MAPK8IP3: variants seen among roughly 807,000 people sequenced by gnomAD.
MAPK8IP3 encodes the protein mitogen-activated protein kinase 8 interacting protein 3, also known as C-Jun-amino-terminal kinase-interacting protein 3.
In MAPK8IP3, 49 loss-of-function variants were observed where a neutral mutation model predicts 157.8. The ratio of observed to expected loss-of-function variants is 0.31; its 90% confidence interval spans 0.25 to 0.39. MAPK8IP3 has a LOEUF of 0.39. Ranked by LOEUF, MAPK8IP3 falls within the 10% of genes least tolerant of loss-of-function variation. The pLI, the probability that MAPK8IP3 is intolerant of heterozygous loss-of-function variation, is 1.00. For missense variants in MAPK8IP3, 1,478 were observed against 1,889.4 expected, an observed-to-expected ratio of 0.78 and a Z score of 4.04; for synonymous variants, 897 against 777.7, an observed-to-expected ratio of 1.15 and a Z score of -2.55.
intron 1 of MAPK8IP3, among the ~76,000 whole-genome samples, chr16:1,720,818 A>C (rs1260978210): frequency 1.3e-5 from 2 of 151,264 alleles, no homozygotes; most frequent in Non-Finnish European, 1.5e-5. Context: ...GCGGATCACG[A>C]GGTCAGGGGA....
chr16:1,737,952 G>A (rs1454100280), intron 4 of MAPK8IP3, among the ~76,000 whole-genome samples: 3 of 75,420 alleles, frequency 4.0e-5, no homozygotes, highest in Admixed American at 1.4e-4. Context: ...GTGACTGTCC[G>A]TGTGAGCGTC....
rs914659526 is a variant in MAPK8IP3, at chr16:1,743,932, A to T, written c.747+456A>T. The T allele has an allele frequency of 5.0e-6, 5 of 1,007,794 alleles. No homozygotes were observed. In the African/African-American group the frequency reaches 8.7e-5, roughly 18 times the overall value. 62.4% of individuals were successfully genotyped at this position (1,007,794 alleles called of 1,614,324 possible). On this transcript the variant is annotated intron_variant, in intron 5 of 31. Transcript: ENST00000610761. The surrounding 1 kb of genome is among the most constrained non-coding windows in gnomAD (Gnocchi z 5.6). ...TGTGGGGTTTGCCCTCCGTTGGCAG[A>T]AAGGTGAGGAGAAAGCTCCTCTTCT...
chr16:1,761,536 C>T (rs2041943931), intron 13 of MAPK8IP3, among the ~76,000 whole-genome samples: 1 of 147,974 alleles, frequency 6.8e-6, no homozygotes, highest in Admixed American at 6.7e-5. Context: ...CATTCACAGG[C>T]AGGGCGGCCG....
chr16:1,763,783 G>GGTGC lies in MAPK8IP3; in HGVS notation c.2025+2_2025+5dup. The GGTGC allele has an allele frequency of 6.5e-7, 1 of 1,550,368 alleles. No homozygotes were observed. The highest frequency in any genetic ancestry group is 1.2e-5 in the South Asian group (1 of 84,980). ...GGAGCCTGCCCGCCAAGTACAAGCA[G>GGTGC]GTGCGGGCGGGCGCTGCGGGGACCG... On this transcript the variant is annotated frameshift_variant and splice_region_variant. Coordinates refer to ENST00000610761, the MANE Select transcript of MAPK8IP3 (RefSeq NM_001318852.2). LOFTEE classifies it high-confidence loss of function.
chr16:1,732,393 G>A (rs925179470), intron 4 of MAPK8IP3, among the ~76,000 whole-genome samples: 2 of 152,258 alleles, frequency 1.3e-5, no homozygotes, highest in African/African-American at 2.4e-5. Context: ...GGGTCAGAAC[G>A]TCCAGCTCTG....
At chr16:1,747,767 C>T (rs1301028524) in intron 6 of MAPK8IP3, among the ~76,000 whole-genome samples, 1 of 152,048 alleles carries the variant, frequency 6.6e-6, no homozygotes, top group East Asian at 1.9e-4. Context: ...CAGTAACCTG[C>T]ATCGCCCCAC....
At chr16:1,708,743 C>T (rs1049415488) in intron 1 of MAPK8IP3, among the ~76,000 whole-genome samples, 11 of 152,052 alleles carry the variant, frequency 7.2e-5, no homozygotes, top group African/African-American at 2.4e-4. Flanking sequence ...AGCCGAGCCC[C>T]GAAGCCAGCC....
intron 17 of MAPK8IP3, 25 bp downstream of exon 17, chr16:1,763,808 G>T (rs1332875638): frequency 2.1e-6 from 3 of 1,462,708 alleles, no homozygotes; most frequent in Non-Finnish European, 2.7e-6. Context: ...TGCGGGGACC[G>T]GGCGGGGCCC....
At chr16:1,758,204 G>A in intron 9 of MAPK8IP3, 45 bp downstream of exon 9, 1 of 1,610,200 alleles carries the variant, frequency 6.2e-7, no homozygotes, top group Non-Finnish European at 8.5e-7. Flanking sequence ...GTGTGACGGG[G>A]GGAGTGGGTG....
At chr16:1,714,183 C>T (rs963324742) in intron 1 of MAPK8IP3, 3 of 152,308 alleles carry the variant, frequency 2.0e-5, no homozygotes, top group African/African-American at 7.2e-5. Flanking sequence ...TTTGTCCATC[C>T]GCCTGCCTGC....
chr16:1,712,524 C>T (rs1209654294), intron 1 of MAPK8IP3, among the ~76,000 whole-genome samples: 1 of 152,112 alleles, frequency 6.6e-6, no homozygotes, highest in African/African-American at 2.4e-5. Context: ...AGGGTGAATT[C>T]CAGGCAGGGG....
intron 4 of MAPK8IP3, among the ~76,000 whole-genome samples, chr16:1,732,523 G>T (rs1032661196): frequency 6.6e-6 from 1 of 152,250 alleles, no homozygotes; most frequent in African/African-American, 2.4e-5. Context: ...GGGGCGTGCC[G>T]TGGAGCCTGC....
chr16:1,743,423 G>A lies in MAPK8IP3; in HGVS notation c.694G>A (p.Asp232Asn), dbSNP rs1351428704. 1.2e-6 allele frequency: 2 copies of A among 1,609,872 alleles called. No individual in the cohort carries two copies. The highest frequency in any genetic ancestry group is 1.6e-4 in the Middle Eastern group (1 of 6,072). The change falls in exon 5 of 32, where the codon GAC (aspartate) becomes AAC (asparagine). Residue 232 changes from aspartate (D) to asparagine (N), a missense_variant. Around this residue, in one of 11 missense-constraint regions of MAPK8IP3, gnomAD observed 315 missense variants for 394.4 expected, o/e 0.80. Transcript: ENST00000610761. The surrounding 1 kb of genome is among the most constrained non-coding windows in gnomAD (Gnocchi z 5.6). The stretch of plus-strand genomic sequence containing the variant: ...CGGGGGCAAGCTCGTGCCTGCGGGG[G>A]ACCACTGGCACCTGAGTGACCTCGG... ...QIGGKLVPAG[D>N]HWHLSDLGQL... is the part of the protein sequence containing the mutation.
chr16:1,736,946 A>C (rs796723063), intron 4 of MAPK8IP3, among the ~76,000 whole-genome samples: 1 of 31,698 alleles, frequency 3.2e-5, no homozygotes, highest in Non-Finnish European at 5.5e-5. Flanking sequence ...GTGACCGTCC[A>C]TGTGAGCGTG....
In MAPK8IP3 at chr16:1,748,740, C is replaced by T. The variant is rs201458235; in HGVS notation, c.1216+20C>T. The T allele has an allele frequency of 1.6e-5, 25 of 1,584,314 alleles. No homozygotes were observed. In the African/African-American group the frequency reaches 2.3e-4, roughly 14 times the overall value. On this transcript the variant is annotated intron_variant, in intron 8 of 31. Coordinates refer to ENST00000610761, the MANE Select transcript of MAPK8IP3 (RefSeq NM_001318852.2). ...TCCTAGGTAAGCGCAAGCCTTCCCC[C>T]GCACCGCTGTGCCTGCACAATGCTG...
At chr16:1,723,015 G>GTT (rs1567145120) in intron 1 of MAPK8IP3, among the ~76,000 whole-genome samples, 2 of 150,836 alleles carry the variant, frequency 1.3e-5, no homozygotes, top group African/African-American at 4.9e-5. Context: ...TTTTTTGTTT[G>GTT]TTTGTTTTTG....
intron 1 of MAPK8IP3, chr16:1,707,555 C>A (rs1396693445): frequency 6.6e-6 from 1 of 152,284 alleles, no homozygotes; most frequent in African/African-American, 2.4e-5. Context: ...TGGGGAGCAC[C>A]ACTTAGCTTC....
At position 1,769,215 on chromosome 16, in the gene MAPK8IP3, C is replaced by G; in HGVS notation, c.*391C>G. The G allele has an allele frequency of 4.2e-6, 1 of 239,808 alleles. No homozygotes were observed. The highest frequency in any genetic ancestry group is 5.0e-5 in the South Asian group (1 of 20,120). 14.9% of individuals were successfully genotyped at this position (239,808 alleles called of 1,614,324 possible). ...AGGGGCTCCCCGCCGCCGAGGCTGC[C>G]TGCCCTGGGCCCACCTCTGCATGCT... On this transcript the variant is annotated 3_prime_UTR_variant, in exon 32 of 32. Transcript: ENST00000610761.
At chr16:1,753,453 A>AT (rs34580455) in intron 8 of MAPK8IP3, among the ~76,000 whole-genome samples, 38 of 150,352 alleles carry the variant, frequency 2.5e-4, no homozygotes, top group African/African-American at 8.3e-4. Context: ...TTATTTATTT[A>AT]TTTTTGAGAC....
Sources: allele counts gnomAD v4.1 joint callset (sites outside exome capture counted in the v4.1 genomes callset), GRCh38; gene constraint gnomAD v4.1.1; regional missense constraint gnomAD v4.1.1; non-coding constraint Gnocchi (gnomAD v3.1); transcripts MANE v1.5; gene names NCBI Gene and HGNC (gene_info 2026-07-23, HGNC 2026-07-21).